Variants in COL4A5 observed in about 807,000 individuals in gnomAD.
COL4A5 encodes the protein collagen type IV alpha 5 chain.
In COL4A5, 26 loss-of-function variants were observed where a neutral mutation model predicts 130.2. The ratio of observed to expected loss-of-function variants is 0.20; its 90% CI spans 0.15 to 0.28. The LOEUF (loss-of-function observed/expected upper bound fraction) is 0.28. Among genes scored for constraint, COL4A5 ranks in the 10% least tolerant of loss-of-function variants. The pLI is 1.00. For missense variants in COL4A5, 1,131 were observed against 1,344.3 expected (o/e 0.84, Z 2.48); for synonymous variants, 496 against 439.6 (o/e 1.13, Z -1.60).
chrX:108,593,819 T>C (rs1405180364), intron 21 of COL4A5, among the ~76,000 whole-genome samples: 2 of 112,309 alleles, frequency 1.8e-5, no homozygotes, highest in Non-Finnish European at 3.8e-5. Context: ...TGTGGCTTTA[T>C]TGTAAGTGTT....
intron 37 of COL4A5, among the ~76,000 whole-genome samples, chrX:108,664,401 A>G (rs1000172362): frequency 3.6e-5 from 4 of 111,946 alleles, no homozygotes; most frequent in Non-Finnish European, 5.6e-5. Context: ...ACATTACATC[A>G]TACAGAAAAA....
chrX:108,685,130 A>G (rs1206522877), intron 47 of COL4A5, among the ~76,000 whole-genome samples: 6 of 112,286 alleles, frequency 5.3e-5, no homozygotes, highest in East Asian at 2.8e-4. Context: ...ATTTATGACA[A>G]ACCCACAGCC....
rs552415619 is a variant in COL4A5, at chrX:108,454,565, C to T, written c.81+14359C>T. ...GTGCTGGGATTACAGTCGTGAGCCA[C>T]CATGCCCAGCCAGCAATAATTTTCT... On this transcript the variant is annotated intron_variant, in intron 1 of 52. Coordinates refer to ENST00000328300, the MANE Select transcript of COL4A5 (RefSeq NM_033380.3). Among the ~76,000 whole-genome samples, 4 of 111,236 alleles carry T rather than the reference C, an allele frequency of 3.6e-5. No homozygotes were observed. In the South Asian group the frequency reaches 1.5e-3, roughly 43 times the overall value.
rs759848574 is a variant in COL4A5, at chrX:108,503,727, A to G, written c.82-36019A>G. On this transcript the variant is annotated intron_variant, in intron 1 of 52. Transcript: ENST00000328300. The stretch of plus-strand genomic sequence containing the variant: ...AGAGGTGAAAGATCTCTACAAGGAT[A>G]ATGACAAAACACTGATGAAAGAAAT... 2.7e-5 allele frequency among the ~76,000 whole-genome samples: 3 copies of G among 112,234 alleles called. No individual in the cohort carries two copies. The South Asian group carries it at 1.1e-3, about 41-fold the overall frequency.
intron 36 of COL4A5, among the ~76,000 whole-genome samples, chrX:108,646,979 T>A (rs1245757872): frequency 2.7e-5 from 3 of 110,811 alleles, no homozygotes; most frequent in African/African-American, 1.0e-4. Context: ...TTTTGGTGAC[T>A]GTAGCCTTGT....
At chrX:108,567,799 A>G (rs2065996812) in intron 4 of COL4A5, among the ~76,000 whole-genome samples, 1 of 111,547 alleles carries the variant, frequency 9.0e-6, no homozygotes, top group African/African-American at 3.3e-5. Context: ...TCACAAGAAC[A>G]GTATGGGGGA....
At chrX:108,656,272 A>G (rs1328262265) in intron 37 of COL4A5, among the ~76,000 whole-genome samples, 2 of 111,372 alleles carry the variant, frequency 1.8e-5, no homozygotes, top group African/African-American at 6.5e-5. Context: ...TGATCCTTGT[A>G]TCTGGCTTTT....
At chrX:108,633,079 C>T (rs1263421478) in intron 36 of COL4A5, among the ~76,000 whole-genome samples, 3 of 111,518 alleles carry the variant, frequency 2.7e-5, no homozygotes, top group Middle Eastern at 4.6e-3. Flanking sequence ...ATTTAGAAAA[C>T]CCCACCGTCT....
At chrX:108,559,254 G>A (rs1197276950) in intron 3 of COL4A5, 101 bp downstream of exon 3, 5 of 613,612 alleles carry the variant, frequency 8.1e-6, no homozygotes, top group Non-Finnish European at 1.4e-5. Context: ...ATTATAGCAA[G>A]AAACTAATAT....
chrX:108,563,890 T>C lies in COL4A5; in HGVS notation c.240T>C (p.Asp80=). 8.3e-7 allele frequency: 1 copy of C among 1,208,306 alleles called. No homozygotes were observed. Among genetic ancestry groups the C allele is most frequent in the Non-Finnish European group, 1.1e-6 (1 of 893,158 alleles). The change falls in exon 4 of 53, where the codon GAT becomes GAC. Residue 80 remains aspartate (D), a synonymous_variant. Coordinates refer to ENST00000328300, the MANE Select transcript of COL4A5 (RefSeq NM_033380.3). ...AATATTGCATTTTTCAGGGTGATGATGGAATTCCAGGGCCACCAGGACCAA... is the reference window on the plus strand; with the variant it reads ...AATATTGCATTTTTCAGGGTGATGACGGAATTCCAGGGCCACCAGGACCAA... ...PPGPRGQKGD[D]GIPGPPGPKG...
chrX:108,486,589 T>A (rs1008718889), intron 1 of COL4A5, among the ~76,000 whole-genome samples: 4 of 110,970 alleles, frequency 3.6e-5, no homozygotes, highest in African/African-American at 1.3e-4. Flanking sequence ...TTCCCATGAG[T>A]CCCCAAAGTC....
At chrX:108,470,345 T>C (rs2064753710) in intron 1 of COL4A5, among the ~76,000 whole-genome samples, 2 of 112,344 alleles carry the variant, frequency 1.8e-5, no homozygotes, top group Non-Finnish European at 3.8e-5. Flanking sequence ...CCATTCTGAC[T>C]GGTCTAAGAT....
At chrX:108,543,414 T>C (rs944839327) in intron 2 of COL4A5, among the ~76,000 whole-genome samples, 1 of 111,382 alleles carries the variant, frequency 9.0e-6, no homozygotes, top group African/African-American at 3.3e-5. Context: ...GATCAGAAAG[T>C]TGTAGATGTG....
intron 36 of COL4A5, among the ~76,000 whole-genome samples, chrX:108,631,651 C>T (rs1019516966): frequency 2.7e-5 from 3 of 111,433 alleles, no homozygotes; most frequent in Non-Finnish European, 5.6e-5. Flanking sequence ...ACAGTGCAAT[C>T]AAATTAGAAT....
chrX:108,520,344 G>A (rs113707860), intron 1 of COL4A5, among the ~76,000 whole-genome samples: 131 of 111,544 alleles, frequency 1.2e-3, no homozygotes, highest in African/African-American at 3.7e-3. Context: ...TATCCCGGAT[G>A]TGCCTGATAT....
intron 36 of COL4A5, among the ~76,000 whole-genome samples, chrX:108,649,493 C>G (rs1297798712): frequency 8.9e-6 from 1 of 112,013 alleles, no homozygotes; most frequent in Non-Finnish European, 1.9e-5. Flanking sequence ...ATCACACTAC[C>G]TGAGTTCAAA....
intron 36 of COL4A5, among the ~76,000 whole-genome samples, chrX:108,645,930 A>C (rs1282677558): frequency 1.8e-5 from 2 of 111,148 alleles, no homozygotes; most frequent in East Asian, 5.7e-4. Context: ...TAATGGCTGC[A>C]TAGTATTCCA....
intron 2 of COL4A5, among the ~76,000 whole-genome samples, chrX:108,546,547 T>G (rs1005580874): frequency 8.9e-6 from 1 of 111,798 alleles, no homozygotes; most frequent in African/African-American, 3.3e-5. Context: ...TAGCTTTTTT[T>G]CCTTCATTTC....
In COL4A5 at chrX:108,540,345, G is replaced by A. The variant is rs56677012; in HGVS notation, c.141+540G>A. Among the ~76,000 whole-genome samples the A allele has an allele frequency of 3.3e-3, 365 of 112,132 alleles. 2 individuals are homozygous for A. The highest frequency in any genetic ancestry group is 0.011 in the African/African-American group (355 of 30,909). The stretch of plus-strand genomic sequence containing the variant: ...GCAAAGACAGGGGAAAAACACTTAA[G>A]AAGGAAACTAAACATTTATCAAGCT... On this transcript the variant is annotated intron_variant, in intron 2 of 52. Coordinates refer to ENST00000328300, the MANE Select transcript of COL4A5 (RefSeq NM_033380.3).
Sources: gnomAD v4.1 joint callset for allele counts (sites outside exome capture counted in the v4.1 genomes callset) on GRCh38, gnomAD v4.1.1 for gene constraint, MANE v1.5 for transcripts, NCBI Gene and HGNC (gene_info 2026-07-23, HGNC 2026-07-21) for gene names.